CDON: variants seen among roughly 807,000 people sequenced by gnomAD.
CDON encodes the protein cell adhesion associated, oncogene regulated, also known as cell adhesion molecule-related/down-regulated by oncogenes.
In CDON, 73 loss-of-function variants were observed where a neutral mutation model predicts 120.9. That is an observed-to-expected ratio of 0.60 (90% CI 0.50 to 0.73). CDON has a LOEUF of 0.73. Ranked by LOEUF, CDON falls within the 30% of genes least tolerant of loss-of-function variation. The probability of loss-of-function intolerance (pLI) is 0.00; values close to 1 mark genes in which losing one functional copy is unlikely to be tolerated. For missense variants in CDON, 1,470 were observed against 1,587.3 expected (o/e 0.93, Z 1.26); for synonymous variants, 566 against 573.5 (o/e 0.99, Z 0.19).
At chr11:126,022,208 C>CTT (rs1947663520) in intron 2 of CDON, among the ~76,000 whole-genome samples, 1 of 150,814 alleles carries the variant, frequency 6.6e-6, no homozygotes, top group South Asian at 2.1e-4. Flanking sequence ...GTGAAGATGA[C>CTT]TTTCCAAATA....
chr11:125,961,931 A>T lies in CDON; in HGVS notation c.3424T>A (p.Tyr1142Asn), dbSNP rs1267640402. Residue 1142 changes from tyrosine (Y) to asparagine (N), a missense_variant, in exon 19 of 20, where the codon TAT (tyrosine) becomes AAT (asparagine). By Grantham distance (143) the Tyr-to-Asn change is moderately radical (BLOSUM62 -2). Transcript: ENST00000531738. ...TTCATTTCCAAACCATCCTGAGGAT[A>T]AGGTGCTACCACAGGGACCACAGGA... Reference protein sequence around the residue: ...PPPVVPVVAPYPQDGLEMKPL... With the variant: ...PPPVVPVVAPNPQDGLEMKPL... 1 of 1,614,234 alleles carries T rather than the reference A, an allele frequency of 6.2e-7. No individual in the cohort carries two copies.
intron 1 of CDON, among the ~76,000 whole-genome samples, chr11:126,049,903 T>C (rs976714493): frequency 2.6e-5 from 4 of 152,182 alleles, no homozygotes; most frequent in Admixed American, 2.6e-4. Flanking sequence ...AACATCCTCC[T>C]CGTTAACTTC....
At chr11:125,986,129 T>C (rs1404662354) in intron 15 of CDON, among the ~76,000 whole-genome samples, 2 of 152,200 alleles carry the variant, frequency 1.3e-5, no homozygotes, top group African/African-American at 4.8e-5. Context: ...TGGAATACTA[T>C]GCAGCCATGA....
At chr11:125,981,965 A>ATTTCCTTTTTTTTTTTTTTTTTT (rs1946318366) in intron 16 of CDON, among the ~76,000 whole-genome samples, 1 of 34,428 alleles carries the variant, frequency 2.9e-5, no homozygotes, top group African/African-American at 8.2e-5. Flanking sequence ...AAGTGATTCT[A>ATTTCCTTTTTTTTTTTTTTTTTT]TTTTCTTTTT....
chr11:125,966,297 C>G (rs975038659), intron 18 of CDON, among the ~76,000 whole-genome samples: 4 of 152,120 alleles, frequency 2.6e-5, no homozygotes, highest in Admixed American at 6.5e-5. Flanking sequence ...GAACTAGAAT[C>G]TAATAATAAT....
chr11:126,007,616 C>A (rs1341272808), intron 8 of CDON, among the ~76,000 whole-genome samples: 1 of 152,048 alleles, frequency 6.6e-6, no homozygotes, highest in Non-Finnish European at 1.5e-5. Flanking sequence ...TGGGATCTGG[C>A]TGTAAAAGAG....
intron 1 of CDON, among the ~76,000 whole-genome samples, chr11:126,042,876 G>A (rs1465179914): frequency 6.6e-6 from 1 of 152,164 alleles, no homozygotes; most frequent in Non-Finnish European, 1.5e-5. Flanking sequence ...ACCTGCCTCG[G>A]CCTCCCAAAG....
intron 1 of CDON, among the ~76,000 whole-genome samples, chr11:126,048,938 G>A (rs1188748443): frequency 6.6e-6 from 1 of 152,180 alleles, no homozygotes; most frequent in Non-Finnish European, 1.5e-5. Context: ...CCCAATCTCA[G>A]GTGATCCGCC....
At chr11:126,012,498 T>A (rs953784999) in intron 7 of CDON, among the ~76,000 whole-genome samples, 4 of 151,728 alleles carry the variant, frequency 2.6e-5, no homozygotes, top group African/African-American at 9.7e-5. Context: ...ACCTCCCGGG[T>A]TCTAGAAATT....
chr11:126,063,157 G>C (rs956667607), upstream of CDON: 2 of 152,164 alleles, frequency 1.3e-5, no homozygotes, highest in Non-Finnish European at 2.9e-5. Flanking sequence ...CTCTGCAAGA[G>C]AGATACCCCA....
rs538634372 is a variant in CDON, at chr11:126,037,042, A to T, written c.-61-13505T>A. On this transcript the variant is annotated intron_variant, in intron 1 of 19. Coordinates refer to ENST00000531738, the MANE Select transcript of CDON (RefSeq NM_001378964.1). ...TATAACTAATTTGAGTCTGAGGATT[A>T]TAAGAATGCTGGGGGATGGATCCTT... 2.2e-4 allele frequency among the ~76,000 whole-genome samples: 33 copies of T among 152,256 alleles called. No individual in the cohort carries two copies. In the South Asian group the frequency reaches 6.6e-3, roughly 31 times the overall value.
At chr11:125,985,859 C>T (rs1946444624) in intron 15 of CDON, among the ~76,000 whole-genome samples, 1 of 151,718 alleles carries the variant, frequency 6.6e-6, no homozygotes, top group African/African-American at 2.4e-5. Flanking sequence ...TGCTTTTACA[C>T]TGTTGGTGGA....
intron 1 of CDON, among the ~76,000 whole-genome samples, chr11:126,051,056 G>GA (rs972463408): frequency 3.3e-5 from 5 of 151,344 alleles, no homozygotes; most frequent in Non-Finnish European, 7.4e-5. Flanking sequence ...CAACATGAAG[G>GA]AAAAAAAATC....
chr11:126,063,318 G>A (rs1238783675), upstream of CDON: 1 of 151,578 alleles, frequency 6.6e-6, no homozygotes, highest in Non-Finnish European at 1.5e-5. Context: ...TCTCCAAATG[G>A]TCGACTCTGT....
At chr11:126,020,534 A>G (rs1173799085) in intron 3 of CDON, among the ~76,000 whole-genome samples, 1 of 152,142 alleles carries the variant, frequency 6.6e-6, no homozygotes, top group Non-Finnish European at 1.5e-5. Flanking sequence ...TCCATGGGTC[A>G]CAGCTCTACA....
At chr11:126,010,718 T>A (rs761530426) in intron 7 of CDON, 24 bp from the exon 8 acceptor site, 2 of 1,587,194 alleles carry the variant, frequency 1.3e-6, no homozygotes, top group South Asian at 2.2e-5. Context: ...AATTCACATA[T>A]GAAAAATGAA....
chr11:126,018,625 G>T, intron 4 of CDON, 152 bp from the exon 5 acceptor site: 1 of 712,678 alleles, frequency 1.4e-6, no homozygotes, highest in Non-Finnish European at 2.4e-6. Flanking sequence ...CTGTAGTACA[G>T]TGGCATAAGC....
At chr11:125,999,007 G>T (rs1946866414) in intron 11 of CDON, among the ~76,000 whole-genome samples, 1 of 152,038 alleles carries the variant, frequency 6.6e-6, no homozygotes, top group African/African-American at 2.4e-5. Flanking sequence ...TACGAAAGAA[G>T]AAAATAAAGT....
chr11:125,974,747 C>T (rs112077635), intron 18 of CDON, among the ~76,000 whole-genome samples: 10 of 152,224 alleles, frequency 6.6e-5, no homozygotes, highest in African/African-American at 2.4e-4. Flanking sequence ...GAAGCCAAGA[C>T]CAGCATTTTC....
Sources: allele counts gnomAD v4.1 joint callset (sites outside exome capture counted in the v4.1 genomes callset), GRCh38; gene constraint gnomAD v4.1.1; transcripts MANE v1.5; gene names NCBI Gene and HGNC (gene_info 2026-07-23, HGNC 2026-07-21).